ARMH2: variants seen among roughly 807,000 people sequenced by gnomAD.
ARMH2 encodes armadillo like helical domain containing 2, also known as armadillo-like helical domain-containing protein 2.
Under a neutral mutation model 9.0 loss-of-function variants are expected in ARMH2, and 5 were observed. The observed-to-expected ratio is 0.56, with a 90% CI of 0.29 to 1.17. ARMH2 has a LOEUF of 1.17. Among genes scored for constraint, ARMH2 ranks in the 50% most tolerant of loss-of-function variants. The pLI, the probability that ARMH2 is intolerant of heterozygous loss-of-function variation, is 0.08. For synonymous variants in ARMH2, 74 were observed against 93.1 expected (o/e 0.79, Z 1.18); for missense variants, 236 against 268.3 (o/e 0.88, Z 0.84).
intron 1 of ARMH2, 29 bp downstream of exon 1, chr6:24,798,564 C>A: frequency 2.7e-6 from 4 of 1,501,192 alleles, no homozygotes; most frequent in Non-Finnish European, 3.5e-6. Context: ...GTGAAACACT[C>A]ATTTTAGCAC....
chr6:24,797,731 ACT>A lies in ARMH2; in HGVS notation c.370_371del (p.Ser124CysfsTer26), dbSNP rs1357001468. 1.3e-6 allele frequency: 2 copies of A among 1,535,370 alleles called. No homozygotes were observed. Among genetic ancestry groups the A allele is most frequent in the Admixed American group, 3.9e-5 (2 of 50,984 alleles). On this transcript the variant is annotated frameshift_variant, in exon 2 of 2. Transcript: ENST00000565469. LOFTEE classifies it low-confidence loss of function (END_TRUNC). ...GGTTTAAGTAACACCAACATGCCAC[ACT>A]CTGGAGCAGCAGGATCTTTATTTTT... ...APKIKILLLQ[S>X]VACWCYLNPV...
Position 24,797,535 on chromosome 6 carries a change from T to G in ARMH2, c.568A>C (p.Lys190Gln). 6.5e-7 allele frequency: 1 copy of G among 1,535,480 alleles called. No homozygotes were observed. The highest frequency in any genetic ancestry group is 8.7e-7 in the Non-Finnish European group (1 of 1,146,734). ...AGAGCACTGTGGTCTTTAAGCTCCTTGACGCAAGACAAGTTATTGCATGTC... is the reference window on the plus strand; with the variant it reads ...AGAGCACTGTGGTCTTTAAGCTCCTGGACGCAAGACAAGTTATTGCATGTC... ...VMTCNNLSCVKELKDHSALKY... is the reference protein window; with the variant it reads ...VMTCNNLSCVQELKDHSALKY... The change falls in exon 2 of 2, where the codon AAG becomes CAG. Residue 190 changes from lysine (K) to glutamine (Q), a missense_variant. By Grantham distance (53) the Lys-to-Gln change is moderately conservative. Transcript: ENST00000565469.
chr6:24,797,377 G>A lies in ARMH2; in HGVS notation c.*33C>T. The A allele has an allele frequency of 6.6e-7, 1 of 1,505,836 alleles. No individual in the cohort carries two copies. The highest frequency in any genetic ancestry group is 8.9e-7 in the Non-Finnish European group (1 of 1,127,072). 93.3% of individuals were successfully genotyped at this position (1,505,836 alleles called of 1,614,324 possible). Reference sequence around the variant, plus strand: ...TTTCAGTTTTCCAGGGTAATACACAGAGAGCTGCAACATGTAACTGGATTT... The same window carrying A: ...TTTCAGTTTTCCAGGGTAATACACAAAGAGCTGCAACATGTAACTGGATTT... On this transcript the variant is annotated 3_prime_UTR_variant, in exon 2 of 2. Transcript: ENST00000565469.
rs1780502267 is a variant in ARMH2, at chr6:24,797,748, T to A, written c.355A>T (p.Ile119Phe). ...CATGCCACACTCTGGAGCAGCAGGA[T>A]CTTTATTTTTGGTGCCAACTCCTCA... is the stretch of plus-strand genomic sequence containing the variant. ...QDEELAPKIK[I>F]LLLQSVACWC... Residue 119 changes from isoleucine to phenylalanine, a missense_variant, in exon 2 of 2, where the codon ATC (isoleucine) becomes TTC (phenylalanine). Physicochemically the swap from Ile to Phe is conservative, Grantham distance 21. Coordinates refer to ENST00000565469, the MANE Select transcript of ARMH2 (RefSeq NM_001282492.2). 1 of 1,535,250 alleles carries A rather than the reference T, an allele frequency of 6.5e-7. No homozygotes were observed. The highest frequency in any genetic ancestry group is 8.7e-7 in the Non-Finnish European group (1 of 1,146,730).
chr6:24,797,582 G>C lies in ARMH2; in HGVS notation c.521C>G (p.Thr174Ser). The change falls in exon 2 of 2, where the codon ACT becomes AGT. Residue 174 changes from threonine (T) to serine (S), a missense_variant. Transcript: ENST00000565469. ...TNSYLLLKFW[T>S]CYVLSVMTCN... ...TGTCATGACAGAGAGAACGTAACAA[G>C]TCCAAAATTTAAGGAGGAGGTAGCT... 1 of 1,535,470 alleles carries C rather than the reference G, an allele frequency of 6.5e-7. No homozygotes were observed. Among genetic ancestry groups the C allele is most frequent in the Non-Finnish European group, 8.7e-7 (1 of 1,146,744 alleles).
At position 24,797,513 on chromosome 6, in the gene ARMH2, G is replaced by A. The variant is rs1208799786; in HGVS notation, c.590C>T (p.Ala197Val). 7.8e-6 allele frequency: 12 copies of A among 1,535,442 alleles called. No homozygotes were observed. The highest frequency in any genetic ancestry group is 9.6e-6 in the Non-Finnish European group (11 of 1,146,732). ...SCVKELKDHS[A>V]LKYHLQMLAA... ...CAACATTTGCAAATGATATTTTAGA[G>A]CACTGTGGTCTTTAAGCTCCTTGAC... The change falls in exon 2 of 2, where the codon GCT becomes GTT. Residue 197 changes from alanine to valine, a missense_variant. Physicochemically the swap from Ala to Val is moderately conservative, Grantham distance 64. Transcript: ENST00000565469.
Position 24,798,696 on chromosome 6 carries a change from A to C in ARMH2, c.162T>G (p.His54Gln). ...KKIPSAETYF[H>Q]EEKIVVLGQV... ...GGCCAAGTACAACAATTTTTTCCTC[A>C]TGAAAATAAGTCTCAGCTGAAGGGA... The change falls in exon 1 of 2, where the codon CAT becomes CAG. Residue 54 changes from histidine (H) to glutamine (Q), a missense_variant. By Grantham distance (24) the His-to-Gln change is conservative (BLOSUM62 0). Transcript: ENST00000565469. The C allele has an allele frequency of 6.5e-7, 1 of 1,535,352 alleles. No individual in the cohort carries two copies. Among genetic ancestry groups the C allele is most frequent in the Middle Eastern group, 1.7e-4 (1 of 5,984 alleles).
chr6:24,798,434 G>A (rs189487143), intron 1 of ARMH2, among the ~76,000 whole-genome samples, 159 bp downstream of exon 1: 23 of 152,138 alleles, frequency 1.5e-4, no homozygotes, highest in African/African-American at 5.3e-4. Context: ...AGTATTTCAA[G>A]GTGAATAAAA....
Position 24,798,478 on chromosome 6 carries a change from C to T in ARMH2, c.265+115G>A, listed in dbSNP as rs1357335903. On this transcript the variant is annotated intron_variant, in intron 1 of 1. Coordinates refer to ENST00000565469, the MANE Select transcript of ARMH2 (RefSeq NM_001282492.2). ...TGTTCGCTTAGCAAATATCCCTCATCCAATGAAATGTTATCAGAATTTTAA... is the reference window on the plus strand; with the variant it reads ...TGTTCGCTTAGCAAATATCCCTCATTCAATGAAATGTTATCAGAATTTTAA... The T allele has an allele frequency of 2.8e-5, 34 of 1,199,054 alleles. No individual in the cohort carries two copies. The Admixed American group carries it at 9.7e-4, about 34-fold the overall frequency. The allele number at this position is 1,199,054 out of a possible 1,614,324, so 74.3% of individuals were successfully genotyped here.
rs574313014 is a variant in ARMH2, at chr6:24,798,798, C to T, written c.60G>A (p.Ala20=). The change falls in exon 1 of 2, where the codon GCG becomes GCA. Residue 20 remains alanine, a synonymous_variant. Coordinates refer to ENST00000565469, the MANE Select transcript of ARMH2 (RefSeq NM_001282492.2). The part of the protein sequence containing the change: ...QIWVKMYGYF[A]GLCRRLQKFW... ...ATTTCTGGAGACGCCGACACAGCCCCGCAAAATACCCATACATCTTAACCC... is the reference window on the plus strand; with the variant it reads ...ATTTCTGGAGACGCCGACACAGCCCTGCAAAATACCCATACATCTTAACCC... The T allele has an allele frequency of 4.0e-5, 62 of 1,535,332 alleles. 1 individual carries two copies. In the Admixed American group the frequency reaches 4.9e-4, roughly 12 times the overall value.
chr6:24,798,798 C>G lies in ARMH2; in HGVS notation c.60G>C (p.Ala20=). Residue 20 remains alanine (A), a synonymous_variant, in exon 1 of 2, where the codon GCG becomes GCC. Transcript: ENST00000565469. The stretch of plus-strand genomic sequence containing the variant: ...ATTTCTGGAGACGCCGACACAGCCC[C>G]GCAAAATACCCATACATCTTAACCC... ...QIWVKMYGYF[A]GLCRRLQKFW... The G allele has an allele frequency of 6.5e-7, 1 of 1,535,332 alleles. No homozygotes were observed. The highest frequency in any genetic ancestry group is 8.7e-7 in the Non-Finnish European group (1 of 1,146,720).
intron 1 of ARMH2, 87 bp from the exon 2 acceptor site, chr6:24,797,924 T>C: frequency 7.4e-7 from 1 of 1,356,592 alleles, no homozygotes. Flanking sequence ...TTCATATTCT[T>C]GTTGCCCTGT....
Position 24,797,606 on chromosome 6 carries a change from C to A in ARMH2, c.497G>T (p.Ser166Ile). ...FESTIKSETN[S>I]YLLLKFWTCY... ...AGTCCAAAATTTAAGGAGGAGGTAG[C>A]TGTTTGTTTCACTTTTGATAGTAGA... Residue 166 changes from serine to isoleucine, a missense_variant, in exon 2 of 2, where the codon AGC (serine) becomes ATC (isoleucine). Ser to Ile is a moderately radical substitution (Grantham distance 142). Transcript: ENST00000565469. The A allele has an allele frequency of 6.5e-7, 1 of 1,535,466 alleles. No individual in the cohort carries two copies. The highest frequency in any genetic ancestry group is 8.7e-7 in the Non-Finnish European group (1 of 1,146,748).
intron 1 of ARMH2, among the ~76,000 whole-genome samples, 196 bp downstream of exon 1, chr6:24,798,397 G>A (rs527432370): frequency 1.3e-5 from 2 of 152,198 alleles, no homozygotes; most frequent in Non-Finnish European, 2.9e-5. Flanking sequence ...GATTACAGGC[G>A]TGAGCCACCG....
Position 24,797,559 on chromosome 6 carries a change from T to A in ARMH2, c.544A>T (p.Thr182Ser). Reference sequence around the variant, plus strand: ...TTGACGCAAGACAAGTTATTGCATGTCATGACAGAGAGAACGTAACAAGTC... The same window carrying A: ...TTGACGCAAGACAAGTTATTGCATGACATGACAGAGAGAACGTAACAAGTC... ...FWTCYVLSVM[T>S]CNNLSCVKEL... Residue 182 changes from threonine to serine, a missense_variant, in exon 2 of 2, where the codon ACA becomes TCA. Physicochemically the swap from Thr to Ser is moderately conservative, Grantham distance 58 (BLOSUM62 1). Coordinates refer to ENST00000565469, the MANE Select transcript of ARMH2 (RefSeq NM_001282492.2). The A allele has an allele frequency of 6.5e-7, 1 of 1,535,478 alleles. No homozygotes were observed. The highest frequency in any genetic ancestry group is 2.0e-5 in the Admixed American group (1 of 50,996).
Position 24,797,724 on chromosome 6 carries a change from A to G in ARMH2, c.379T>C (p.Cys127Arg). The G allele has an allele frequency of 6.5e-7, 1 of 1,535,476 alleles. No individual in the cohort carries two copies. The highest frequency in any genetic ancestry group is 8.7e-7 in the Non-Finnish European group (1 of 1,146,740). Residue 127 changes from cysteine to arginine, a missense_variant, in exon 2 of 2, where the codon TGT becomes CGT. Cys to Arg is a radical substitution (Grantham distance 180). Coordinates refer to ENST00000565469, the MANE Select transcript of ARMH2 (RefSeq NM_001282492.2). ...IKILLLQSVA[C>R]WCYLNPVSQK... ...CTGACAGGGTTTAAGTAACACCAACATGCCACACTCTGGAGCAGCAGGATC... is the reference window on the plus strand; with the variant it reads ...CTGACAGGGTTTAAGTAACACCAACGTGCCACACTCTGGAGCAGCAGGATC...
In ARMH2 at chr6:24,797,670, T is replaced by A. The variant is rs755594473; in HGVS notation, c.433A>T (p.Ile145Phe). Residue 145 changes from isoleucine to phenylalanine, a missense_variant, in exon 2 of 2, where the codon ATT (isoleucine) becomes TTT (phenylalanine). Transcript: ENST00000565469. ...SQKRAKSLQF[I>F]PILISFFEGR... ...TCAAAAAAACTAATGAGAATAGGAA[T>A]AAATTGCAGACTTTTGGCTCTTTTC... 1 of 1,535,474 alleles carries A rather than the reference T, an allele frequency of 6.5e-7. No homozygotes were observed. Among genetic ancestry groups the A allele is most frequent in the South Asian group, 1.2e-5 (1 of 84,052 alleles).
Position 24,797,612 on chromosome 6 carries a change from G to T in ARMH2, c.491C>A (p.Thr164Lys). Residue 164 changes from threonine to lysine, a missense_variant, in exon 2 of 2, where the codon ACA becomes AAA. Transcript: ENST00000565469. Reference sequence around the variant, plus strand: ...AAATTTAAGGAGGAGGTAGCTGTTTGTTTCACTTTTGATAGTAGACTCGAA... The same window carrying T: ...AAATTTAAGGAGGAGGTAGCTGTTTTTTTCACTTTTGATAGTAGACTCGAA... Reference protein sequence around the residue: ...GRFESTIKSETNSYLLLKFWT... With the variant: ...GRFESTIKSEKNSYLLLKFWT... 6.5e-7 allele frequency: 1 copy of T among 1,535,480 alleles called. No homozygotes were observed.
Position 24,797,535 on chromosome 6 carries a change from T to C in ARMH2, c.568A>G (p.Lys190Glu). The change falls in exon 2 of 2, where the codon AAG becomes GAG. Residue 190 changes from lysine to glutamate, a missense_variant. Physicochemically the swap from Lys to Glu is moderately conservative, Grantham distance 56. Transcript: ENST00000565469. ...VMTCNNLSCV[K>E]ELKDHSALKY... Reference sequence around the variant, plus strand: ...AGAGCACTGTGGTCTTTAAGCTCCTTGACGCAAGACAAGTTATTGCATGTC... The same window carrying C: ...AGAGCACTGTGGTCTTTAAGCTCCTCGACGCAAGACAAGTTATTGCATGTC... The C allele has an allele frequency of 1.3e-6, 2 of 1,535,480 alleles. No individual in the cohort carries two copies. Among genetic ancestry groups the C allele is most frequent in the South Asian group, 1.2e-5 (1 of 84,058 alleles).
Sources: allele counts gnomAD v4.1 joint callset (sites outside exome capture counted in the v4.1 genomes callset), GRCh38; gene constraint gnomAD v4.1.1; transcripts MANE v1.5; gene names NCBI Gene and HGNC (gene_info 2026-07-23, HGNC 2026-07-21).